ANGPT2: variants seen among roughly 807,000 people sequenced by gnomAD.
ANGPT2 encodes the protein angiopoietin 2.
ANGPT2 carries 28 observed loss-of-function variants against 62.9 expected under a neutral mutation model. The observed-to-expected ratio is 0.44, with a 90% CI of 0.33 to 0.61. ANGPT2 has a LOEUF of 0.61. ANGPT2 is among the 20% of genes least tolerant of loss of function. ANGPT2 has a pLI of 0.03. For synonymous variants in ANGPT2, 284 were observed against 207.8 expected (o/e 1.37, Z -3.15); for missense variants, 727 against 594.9 (o/e 1.22, Z -2.31).
intron 1 of ANGPT2, among the ~76,000 whole-genome samples, chr8:6,555,372 C>T (rs1824412653): frequency 6.6e-6 from 1 of 152,146 alleles, no homozygotes; most frequent in Non-Finnish European, 1.5e-5. Flanking sequence ...ACTTCCAGAA[C>T]AGGGCTGTAA....
At position 6,502,101 on chromosome 8, in the gene ANGPT2, A is replaced by T. The variant is rs985366345; in HGVS notation, c.*1000T>A. Reference sequence around the variant, plus strand: ...TTGTAGTCTAGTTCTATAAAAATATATCTTACTAGGAAAGAAAACAGACCT... The same window carrying T: ...TTGTAGTCTAGTTCTATAAAAATATTTCTTACTAGGAAAGAAAACAGACCT... On this transcript the variant is annotated 3_prime_UTR_variant, in exon 9 of 9. Coordinates refer to ENST00000629816, the MANE Select transcript of ANGPT2 (RefSeq NM_001118887.2). 1.3e-5 allele frequency: 2 copies of T among 152,184 alleles called. No homozygotes were observed. The highest frequency in any genetic ancestry group is 6.5e-5 in the Admixed American group (1 of 15,284). 9.4% of individuals were successfully genotyped at this position (152,184 alleles called of 1,614,324 possible).
intron 3 of ANGPT2, among the ~76,000 whole-genome samples, chr8:6,526,653 T>G (rs1818406837): frequency 6.6e-6 from 1 of 152,364 alleles, no homozygotes. Context: ...TAGTTCTTGA[T>G]TAACAGTAAA....
chr8:6,519,837 G>A (rs1467326441), intron 5 of ANGPT2, 27 bp downstream of exon 5: 5 of 1,611,300 alleles, frequency 3.1e-6, no homozygotes, highest in Non-Finnish European at 4.2e-6. Flanking sequence ...GAGCCAGGGA[G>A]TTAGTAAGGG....
intron 3 of ANGPT2, 74 bp downstream of exon 3, chr8:6,527,481 C>T (rs778671464): frequency 4.5e-5 from 69 of 1,540,442 alleles, no homozygotes; most frequent in Non-Finnish European, 5.8e-5. Flanking sequence ...TCTGATAATT[C>T]ATCATTTGAG....
chr8:6,509,158 C>T (rs1455906374), intron 7 of ANGPT2, 96 bp from the exon 8 acceptor site: 18 of 1,478,492 alleles, frequency 1.2e-5, no homozygotes, highest in South Asian at 1.0e-4. Flanking sequence ...TCTACAGAAG[C>T]GTGTTCTGTA....
intron 5 of ANGPT2, among the ~76,000 whole-genome samples, chr8:6,516,377 T>G (rs1816274346): frequency 6.6e-6 from 1 of 152,212 alleles, no homozygotes; most frequent in South Asian, 2.1e-4. Flanking sequence ...AGTTCGATTT[T>G]GATCAGTTAC....
intron 1 of ANGPT2, among the ~76,000 whole-genome samples, chr8:6,549,447 G>T (rs537293780): frequency 6.6e-6 from 1 of 152,344 alleles, no homozygotes; most frequent in East Asian, 1.9e-4. Flanking sequence ...TTGAGAAGAG[G>T]GGGATATTGA....
intron 3 of ANGPT2, among the ~76,000 whole-genome samples, chr8:6,524,606 G>A (rs542427771): frequency 1.3e-5 from 2 of 152,292 alleles, no homozygotes; most frequent in East Asian, 1.9e-4. Flanking sequence ...TACCATGTAC[G>A]AGGTGTTTTT....
intron 1 of ANGPT2, among the ~76,000 whole-genome samples, chr8:6,556,895 A>G (rs1409452127): frequency 2.6e-5 from 4 of 152,120 alleles, no homozygotes; most frequent in South Asian, 2.1e-4. Flanking sequence ...GGCTTTAGGC[A>G]TTTTCTTCCC....
chr8:6,518,879 A>G (rs924206116), intron 5 of ANGPT2, among the ~76,000 whole-genome samples: 1 of 152,196 alleles, frequency 6.6e-6, no homozygotes, highest in African/African-American at 2.4e-5. Flanking sequence ...CAAATGTTTA[A>G]GAGAAGCCAC....
chr8:6,525,120 T>C (rs1818089401), intron 3 of ANGPT2, among the ~76,000 whole-genome samples: 1 of 152,258 alleles, frequency 6.6e-6, no homozygotes, highest in African/African-American at 2.4e-5. Context: ...TCTTTAACCC[T>C]GCAAACAATA....
chr8:6,555,240 A>G (rs1369870891), intron 1 of ANGPT2, among the ~76,000 whole-genome samples: 1 of 152,162 alleles, frequency 6.6e-6, no homozygotes, highest in Non-Finnish European at 1.5e-5. Flanking sequence ...GACAATAACA[A>G]TCAAACCGTT....
intron 5 of ANGPT2, among the ~76,000 whole-genome samples, chr8:6,517,149 A>C (rs1377851462): frequency 1.3e-5 from 2 of 152,226 alleles, no homozygotes; most frequent in East Asian, 1.9e-4. Flanking sequence ...TGATTATATC[A>C]GGATCAGCAA....
chr8:6,500,732 C>A lies in ANGPT2; in HGVS notation c.*2369G>T, dbSNP rs948573309. On this transcript the variant is annotated 3_prime_UTR_variant, in exon 9 of 9. Coordinates refer to ENST00000629816, the MANE Select transcript of ANGPT2 (RefSeq NM_001118887.2). ...TTTTCTTAAGGAGAGACAAAAGCTC[C>A]TCTCAGCAAAACTGTTTGTTTGAAA... is the stretch of plus-strand genomic sequence containing the variant. The A allele has an allele frequency of 6.6e-6, 1 of 152,140 alleles. No individual in the cohort carries two copies. The highest frequency in any genetic ancestry group is 1.5e-5 in the Non-Finnish European group (1 of 68,028). The allele number at this position is 152,140 out of a possible 1,614,324, so 9.4% of individuals were successfully genotyped here. A position where few individuals can be genotyped will look rare whatever the true frequency, so the allele number is the denominator to read the frequency against.
intron 3 of ANGPT2, among the ~76,000 whole-genome samples, 185 bp from the exon 4 acceptor site, chr8:6,521,595 T>C (rs7834131): frequency 0.095 from 14,418 of 152,276 alleles, 1,131 homozygotes; most frequent in African/African-American, 0.21. Flanking sequence ...TAAATGTGTG[T>C]ATATATGTAA....
At chr8:6,511,899 CTT>C (rs34089402) in intron 7 of ANGPT2, among the ~76,000 whole-genome samples, 176 of 141,896 alleles carry the variant, frequency 1.2e-3, no homozygotes, top group Middle Eastern at 3.6e-3. Context: ...TTTTGTGCTT[CTT>C]TTTTTTTTTT....
intron 3 of ANGPT2, among the ~76,000 whole-genome samples, chr8:6,522,399 C>T (rs1201348055): frequency 6.6e-6 from 1 of 151,764 alleles, no homozygotes; most frequent in Non-Finnish European, 1.5e-5. Context: ...TAGCGCCTGT[C>T]ATACATTAAC....
intron 1 of ANGPT2, among the ~76,000 whole-genome samples, chr8:6,554,985 C>T (rs1381084431): frequency 6.6e-6 from 1 of 152,172 alleles, no homozygotes; most frequent in Non-Finnish European, 1.5e-5. Flanking sequence ...TCGGATGGCA[C>T]ACCTGACCTA....
In ANGPT2 at chr8:6,543,498, C is replaced by T. The variant is rs7842402; in HGVS notation, c.289-11011G>A. 1.2e-4 allele frequency among the ~76,000 whole-genome samples: 18 copies of T among 151,958 alleles called. No individual in the cohort carries two copies. The East Asian group carries it at 1.4e-3, about 12-fold the overall frequency. ...GCACTGACGGGCAATGTGCGTGGGT[C>T]GTGGGGAGCATCCAGCTCCCATCTG... On this transcript the variant is annotated intron_variant, in intron 1 of 8. Coordinates refer to ENST00000629816, the MANE Select transcript of ANGPT2 (RefSeq NM_001118887.2).
Sources: gnomAD v4.1 joint callset for allele counts (sites outside exome capture counted in the v4.1 genomes callset) on GRCh38, gnomAD v4.1.1 for gene constraint, MANE v1.5 for transcripts, NCBI Gene and HGNC (gene_info 2026-07-23, HGNC 2026-07-21) for gene names.